Variants in DENND2C observed in about 807,000 individuals in gnomAD.
DENND2C encodes the protein DENN domain containing 2C, also known as DENN domain-containing protein 2C.
A neutral mutation model predicts 112.4 loss-of-function variants in DENND2C; 72 were observed. The observed-to-expected ratio is 0.64, with a 90% CI of 0.53 to 0.78. The LOEUF (loss-of-function observed/expected upper bound fraction) is 0.78, where lower values mean the gene tolerates loss of function less well. Among genes scored for constraint, DENND2C ranks in the 30% least tolerant of loss-of-function variants. The pLI, the probability that DENND2C is intolerant of heterozygous loss-of-function variation, is 0.00. For synonymous variants in DENND2C, 329 were observed against 381.6 expected (o/e 0.86, Z 1.61); for missense variants, 992 against 1,113.8 (o/e 0.89, Z 1.56).
At chr1:114,663,669 G>C (rs1657561907) in intron 1 of DENND2C, among the ~76,000 whole-genome samples, 1 of 152,106 alleles carries the variant, frequency 6.6e-6, no homozygotes. Flanking sequence ...AGTTAAGAGT[G>C]GTTTTTACAT....
chr1:114,608,537 CAT>C (rs1655722650), intron 10 of DENND2C, 147 bp downstream of exon 10: 2 of 805,438 alleles, frequency 2.5e-6, no homozygotes, highest in South Asian at 4.1e-5. Flanking sequence ...TCATACCTAA[CAT>C]AAGATGTTTT....
chr1:114,628,966 A>G (rs980751536), intron 3 of DENND2C, among the ~76,000 whole-genome samples: 1 of 152,240 alleles, frequency 6.6e-6, no homozygotes, highest in African/African-American at 2.4e-5. Context: ...AAAACTTCCT[A>G]AAGCCAACTT....
At chr1:114,648,613 G>A (rs867457100) in intron 2 of DENND2C, among the ~76,000 whole-genome samples, 10 of 152,260 alleles carry the variant, frequency 6.6e-5, no homozygotes, top group African/African-American at 2.2e-4. Context: ...GGGAAAGAGG[G>A]ATATACCTCT....
At chr1:114,624,410 C>T (rs965988832) in intron 4 of DENND2C, among the ~76,000 whole-genome samples, 1 of 151,968 alleles carries the variant, frequency 6.6e-6, no homozygotes, top group African/African-American at 2.4e-5. Context: ...AAGTAATACT[C>T]GCAAGTAGGT....
In DENND2C at chr1:114,599,301, T is replaced by C. The variant is rs758785731; in HGVS notation, c.2256A>G (p.Pro752=). The change falls in exon 16 of 21, where the codon CCA becomes CCG. Residue 752 remains proline (P), a synonymous_variant. Coordinates refer to ENST00000393274, the MANE Select transcript of DENND2C (RefSeq NM_001256404.2). Reference sequence around the variant, plus strand: ...CTTCAATGGGTAGGTCCTGGAGCTGTGGTAAGGAGCAAGACAGGATTCCAA... The same window carrying C: ...CTTCAATGGGTAGGTCCTGGAGCTGCGGTAAGGAGCAAGACAGGATTCCAA... ...FLIGILSCSL[P]QLQDLPIEEV... is the part of the protein sequence containing the mutation. 1.2e-5 allele frequency: 19 copies of C among 1,613,284 alleles called. No homozygotes were observed. Among genetic ancestry groups the C allele is most frequent in the African/African-American group, 2.7e-5 (2 of 74,878 alleles).
Position 114,600,808 on chromosome 1 carries a change from G to T in DENND2C, c.1956+12C>A, listed in dbSNP as rs748120684. On this transcript the variant is annotated intron_variant, in intron 14 of 20. Coordinates refer to ENST00000393274, the MANE Select transcript of DENND2C (RefSeq NM_001256404.2). ...TAGTGCTATCAAATCTTTTCAAAAT[G>T]AGCTAACTTACCTCATCTCCAGCCC... 3 of 1,606,664 alleles carry T rather than the reference G, an allele frequency of 1.9e-6. No homozygotes were observed. In the Admixed American group the frequency reaches 5.1e-5, roughly 28 times the overall value.
At chr1:114,622,140 G>T in intron 6 of DENND2C, 75 bp from the exon 7 acceptor site, 2 of 1,411,928 alleles carry the variant, frequency 1.4e-6, no homozygotes, top group Admixed American at 2.7e-5. Context: ...TTGAGATGGG[G>T]TCTTGCTCTG....
intron 9 of DENND2C, 34 bp from the exon 10 acceptor site, chr1:114,608,907 C>T: frequency 1.2e-6 from 2 of 1,611,876 alleles, no homozygotes; most frequent in South Asian, 2.2e-5. Context: ...GTTTTTTTCT[C>T]TGTAGCCCTA....
intron 16 of DENND2C, among the ~76,000 whole-genome samples, chr1:114,597,177 C>T (rs1228351048): frequency 3.9e-5 from 6 of 152,202 alleles, no homozygotes; most frequent in African/African-American, 1.4e-4. Flanking sequence ...GGCGCAGTGG[C>T]TCACTCCAGT....
At chr1:114,617,616 C>T (rs180671636) in intron 8 of DENND2C, among the ~76,000 whole-genome samples, 160 of 149,656 alleles carry the variant, frequency 1.1e-3, no homozygotes, top group Non-Finnish European at 2.2e-3. Flanking sequence ...CAGGATAATA[C>T]TTATTAAATG....
chr1:114,602,023 G>C (rs893941586), intron 12 of DENND2C, 102 bp downstream of exon 12: 6 of 1,118,700 alleles, frequency 5.4e-6, no homozygotes, highest in African/African-American at 1.5e-5. Flanking sequence ...ACAGATCATT[G>C]AGCATCCCTC....
chr1:114,637,255 G>A (rs1305104009), intron 3 of DENND2C, among the ~76,000 whole-genome samples: 1 of 150,766 alleles, frequency 6.6e-6, no homozygotes, highest in Non-Finnish European at 1.5e-5. Context: ...TGTAGTCCCA[G>A]CTACTCAGGA....
chr1:114,645,988 G>A (rs1392166495), intron 2 of DENND2C, among the ~76,000 whole-genome samples: 5 of 151,620 alleles, frequency 3.3e-5, no homozygotes, highest in Non-Finnish European at 4.4e-5. Flanking sequence ...GTGCAGTGGC[G>A]CCGTTTTGGC....
rs1655086085 is a variant in DENND2C, at chr1:114,587,930, C to T, written c.2454G>A (p.Val818=). ...FSQDVTLNSL[V]SEAFVRFFVE... is the part of the protein sequence containing the mutation. ...CAAAAAACCTGACAAATGCTTCGGA[C>T]ACCAGAGAGTTGAGTGTCACATCTG... The change falls in exon 19 of 21, where the codon GTG becomes GTA. Residue 818 remains valine, a synonymous_variant. Coordinates refer to ENST00000393274, the MANE Select transcript of DENND2C (RefSeq NM_001256404.2). 6.2e-7 allele frequency: 1 copy of T among 1,614,038 alleles called. No homozygotes were observed.
chr1:114,661,730 A>G (rs1657496491), intron 1 of DENND2C, among the ~76,000 whole-genome samples: 1 of 152,214 alleles, frequency 6.6e-6, no homozygotes, highest in African/African-American at 2.4e-5. Context: ...TTGTTCTTCC[A>G]GATCCAGTCA....
chr1:114,640,078 G>A (rs941448375), intron 3 of DENND2C, among the ~76,000 whole-genome samples: 1 of 152,264 alleles, frequency 6.6e-6, no homozygotes, highest in Non-Finnish European at 1.5e-5. Flanking sequence ...GATAATTCCT[G>A]GGCTAAATGG....
intron 13 of DENND2C, among the ~76,000 whole-genome samples, 196 bp from the exon 14 acceptor site, chr1:114,601,156 G>T (rs957054180): frequency 6.6e-6 from 1 of 152,080 alleles, no homozygotes; most frequent in Admixed American, 6.6e-5. Context: ...CTGAAGAAAA[G>T]TTACTAACAT....
At chr1:114,626,211 T>C in intron 3 of DENND2C, 23 bp from the exon 4 acceptor site, 1 of 444,188 alleles carries the variant, frequency 2.3e-6, no homozygotes, top group Admixed American at 3.8e-5. Context: ...CACAAAAATA[T>C]GTTAACACAT....
chr1:114,586,898 A>ATTTT, intron 20 of DENND2C: 2 of 141,376 alleles, frequency 1.4e-5, no homozygotes, highest in Admixed American at 7.1e-5. Context: ...TGCCTAGCTA[A>ATTTT]TTTTTTTTTT....
Sources: gnomAD v4.1 joint callset for allele counts (sites outside exome capture counted in the v4.1 genomes callset) on GRCh38, gnomAD v4.1.1 for gene constraint, MANE v1.5 for transcripts, NCBI Gene and HGNC (gene_info 2026-07-23, HGNC 2026-07-21) for gene names.